NUP205: variants seen among roughly 807,000 people sequenced by gnomAD.
The protein encoded by NUP205 is nuclear pore complex protein Nup205.
A neutral mutation model predicts 253.8 loss-of-function variants in NUP205; 76 were observed. That is an observed-to-expected ratio of 0.30 (90% CI 0.25 to 0.36). NUP205 has a LOEUF of 0.36. Ranked by LOEUF, NUP205 falls within the 10% of genes least tolerant of loss-of-function variation. NUP205 has a pLI of 1.00. For missense variants in NUP205, 2,162 were observed against 2,425.5 expected, an observed-to-expected ratio of 0.89 and a Z score of 2.28; for synonymous variants, 832 against 850.1, an observed-to-expected ratio of 0.98 and a Z score of 0.37.
rs1482108995 is a variant in NUP205 at position 135,601,803 on chromosome 7, G to T, written c.2512+296G>T. The stretch of plus-strand genomic sequence containing the variant: ...ATCCCTAACTTTAAAGTACTTTTTT[G>T]TCCATCCCCCACCTCATAATATTTT... On this transcript the variant is annotated intron_variant, in intron 17 of 42. Transcript: ENST00000285968. Among the ~76,000 whole-genome samples, 8 of 152,006 alleles carry T rather than the reference G, an allele frequency of 5.3e-5. No homozygotes were observed. The East Asian group carries it at 1.5e-3, about 29-fold the overall frequency.
rs777258672 is a variant in NUP205, at chr7:135,587,988, G to A, written c.1469G>A (p.Arg490His). Residue 490 changes from arginine (R) to histidine (H), a missense_variant, in exon 10 of 43, where the codon CGC (arginine) becomes CAC (histidine). This residue lies in a region of NUP205 where 892 missense variants were observed against 957.1 expected (regional missense o/e 0.93). Transcript: ENST00000285968. ...GTGGCTCATCAGCGGCCCCCTCAAC[G>A]CCAGGTGAGTCTTTAGGTTTTCCTC... ...LGVAHQRPPQ[R>H]QVVLSKFVRQ... 1.9e-5 allele frequency: 31 copies of A among 1,610,724 alleles called. No individual in the cohort carries two copies. In the Admixed American group the frequency reaches 3.4e-4, roughly 18 times the overall value.
At position 135,607,303 on chromosome 7, in the gene NUP205, G is replaced by A. The variant is rs1563126202; in HGVS notation, c.3127G>A (p.Gly1043Arg). 2 of 1,614,004 alleles carry A rather than the reference G, an allele frequency of 1.2e-6. No individual in the cohort carries two copies. Among genetic ancestry groups the A allele is most frequent in the African/African-American group, 1.3e-5 (1 of 74,930 alleles). ...LHAILNILEK[G>R]TEGRTGPVAV... ...CGCCATTCTAAACATCTTGGAGAAA[G>A]GAACGGAAGGGAGAACAGGCCCAGT... The change falls in exon 22 of 43, where the codon GGA (glycine) becomes AGA (arginine). Residue 1043 changes from glycine (G) to arginine (R), a missense_variant. By Grantham distance (125) the Gly-to-Arg change is moderately radical. Coordinates refer to ENST00000285968, the MANE Select transcript of NUP205 (RefSeq NM_015135.3).
chr7:135,587,949 G>C lies in NUP205; in HGVS notation c.1430G>C (p.Gly477Ala). Residue 477 changes from glycine (G) to alanine (A), a missense_variant, in exon 10 of 43, where the codon GGC (glycine) becomes GCC (alanine). This residue lies in a region of NUP205 where 892 missense variants were observed against 957.1 expected (regional missense o/e 0.93). Transcript: ENST00000285968. Reference protein sequence around the residue: ...TEPLQTPTIMGSYLGVAHQRP... With the variant: ...TEPLQTPTIMASYLGVAHQRP... ...CCTCTTCAGACTCCGACTATCATGGGCTCTTATCTAGGGGTGGCTCATCAG... is the reference window on the plus strand; with the variant it reads ...CCTCTTCAGACTCCGACTATCATGGCCTCTTATCTAGGGGTGGCTCATCAG... 1.2e-6 allele frequency: 2 copies of C among 1,613,978 alleles called. No individual in the cohort carries two copies. Among genetic ancestry groups the C allele is most frequent in the Non-Finnish European group, 1.7e-6 (2 of 1,179,964 alleles).
chr7:135,594,930 G>C (rs145532117), intron 13 of NUP205, among the ~76,000 whole-genome samples: 21 of 152,226 alleles, frequency 1.4e-4, no homozygotes, highest in East Asian at 7.7e-4. Context: ...ACATCACTAG[G>C]TTACCAGAGA....
Position 135,617,164 on chromosome 7 carries a change from T to A in NUP205, c.3607T>A (p.Phe1203Ile). Residue 1203 changes from phenylalanine (F) to isoleucine (I), a missense_variant, in exon 26 of 43, where the codon TTT becomes ATT. By Grantham distance (21) the Phe-to-Ile change is conservative (BLOSUM62 0). Coordinates refer to ENST00000285968, the MANE Select transcript of NUP205 (RefSeq NM_015135.3). Reference sequence around the variant, plus strand: ...GATCCCTGAGCCTTTGCAGTTGGATTTTTTTGATCGGGCCCAGATTGAACA... The same window carrying A: ...GATCCCTGAGCCTTTGCAGTTGGATATTTTTGATCGGGCCCAGATTGAACA... ...QEIPEPLQLD[F>I]FDRAQIEQVI... 6.2e-7 allele frequency: 1 copy of A among 1,613,908 alleles called. No homozygotes were observed. The highest frequency in any genetic ancestry group is 8.5e-7 in the Non-Finnish European group (1 of 1,179,854).
chr7:135,581,468 G>A (rs1350590052), intron 7 of NUP205, among the ~76,000 whole-genome samples: 1 of 151,442 alleles, frequency 6.6e-6, no homozygotes, highest in Non-Finnish European at 1.5e-5. Flanking sequence ...GATCACTTGA[G>A]CCCAGGAGAG....
At chr7:135,644,438 G>T (rs116854411) in intron 39 of NUP205, among the ~76,000 whole-genome samples, 1,680 of 152,358 alleles carry the variant, frequency 0.011, 11 homozygotes, top group Middle Eastern at 0.034. Flanking sequence ...AACTGTGCTT[G>T]TGTGTGTGCC....
rs140896959 is a variant in NUP205 at position 135,645,501 on chromosome 7, G to A, written c.5717G>A (p.Arg1906His). The change falls in exon 41 of 43, where the codon CGC becomes CAC. Residue 1906 changes from arginine (R) to histidine (H), a missense_variant. This residue lies in a region of NUP205 where 1,144 missense variants were observed against 1,280.9 expected (regional missense o/e 0.89). Coordinates refer to ENST00000285968, the MANE Select transcript of NUP205 (RefSeq NM_015135.3). The part of the protein sequence containing the change: ...IIETCLFILW[R>H]HLEYYLLHCM... Reference sequence around the variant, plus strand: ...GAGACCTGCCTATTTATTCTTTGGCGCCATCTGGAGTACTACTTGTTACAT... The same window carrying A: ...GAGACCTGCCTATTTATTCTTTGGCACCATCTGGAGTACTACTTGTTACAT... 23 of 1,613,588 alleles carry A rather than the reference G, an allele frequency of 1.4e-5. No individual in the cohort carries two copies. Among genetic ancestry groups the A allele is most frequent in the Middle Eastern group, 1.6e-4 (1 of 6,084 alleles).
chr7:135,628,052 C>T lies in NUP205; in HGVS notation c.4873C>T (p.Gln1625Ter). ...CCGCCAGATTCTCCTCCCAGCTCTC[C>T]AGCTGTGCCAGGTCATCCTCACATC... Reference protein sequence around the residue: ...RYRQILLPALQLCQVILTSSM... With the variant: ...RYRQILLPAL The change falls in exon 34 of 43, where the codon CAG (glutamine) becomes TAG (stop). Residue 1625 changes from glutamine to a stop codon, truncating the protein, a stop_gained. Coordinates refer to ENST00000285968, the MANE Select transcript of NUP205 (RefSeq NM_015135.3). LOFTEE classifies it high-confidence loss of function. 1 of 1,611,038 alleles carries T rather than the reference C, an allele frequency of 6.2e-7. No homozygotes were observed. The highest frequency in any genetic ancestry group is 8.5e-7 in the Non-Finnish European group (1 of 1,179,456).
intron 1 of NUP205, among the ~76,000 whole-genome samples, chr7:135,569,440 A>G (rs1161264666): frequency 6.6e-6 from 1 of 152,172 alleles, no homozygotes; most frequent in Non-Finnish European, 1.5e-5. Flanking sequence ...TATGTATTAT[A>G]GTATAAATGT....
intron 22 of NUP205, among the ~76,000 whole-genome samples, chr7:135,608,048 A>G (rs1284852965): frequency 7.9e-6 from 1 of 127,134 alleles, no homozygotes; most frequent in African/African-American, 3.0e-5. Flanking sequence ...TTTTTTTAAT[A>G]TGGAGTCTCG....
At chr7:135,647,401 C>T (rs867096592) in intron 42 of NUP205, among the ~76,000 whole-genome samples, 9 of 152,310 alleles carry the variant, frequency 5.9e-5, no homozygotes, top group Middle Eastern at 6.8e-3. Context: ...AGACTACATT[C>T]GCCCCTTAGT....
At chr7:135,637,330 T>C (rs1794827987) in intron 36 of NUP205, among the ~76,000 whole-genome samples, 1 of 152,248 alleles carries the variant, frequency 6.6e-6, no homozygotes, top group Non-Finnish European at 1.5e-5. Flanking sequence ...TCGGCTAACC[T>C]CTGGATATAC....
intron 20 of NUP205, 23 bp from the exon 21 acceptor site, chr7:135,606,728 T>C (rs373642985): frequency 8.1e-6 from 13 of 1,598,768 alleles, no homozygotes; most frequent in Non-Finnish European, 1.1e-5. Flanking sequence ...TTTGTAATTT[T>C]GTTTTGTGAT....
intron 35 of NUP205, among the ~76,000 whole-genome samples, chr7:135,632,712 T>A (rs1794737660): frequency 6.6e-6 from 1 of 152,098 alleles, no homozygotes; most frequent in Non-Finnish European, 1.5e-5. Context: ...CCTAAGATGA[T>A]ACCAAGTCAG....
chr7:135,610,381 C>T (rs898012886), intron 22 of NUP205, among the ~76,000 whole-genome samples: 27 of 152,240 alleles, frequency 1.8e-4, no homozygotes, highest in Non-Finnish European at 2.6e-4. Context: ...CCATCACACC[C>T]GGCTAATTTT....
chr7:135,570,786 AT>A (rs1288850407), intron 1 of NUP205, among the ~76,000 whole-genome samples: 2,570 of 54,750 alleles, frequency 0.047, 218 homozygotes, highest in South Asian at 0.15. Context: ...TATTAATTAT[AT>A]TTATATATTA....
At position 135,558,043 on chromosome 7, in the gene NUP205, G is replaced by A. The variant is rs955987007; in HGVS notation, c.28+71G>A. The A allele has an allele frequency of 1.2e-5, 16 of 1,343,554 alleles. No homozygotes were observed. In the East Asian group the frequency reaches 3.2e-4, roughly 27 times the overall value. The allele number at this position is 1,343,554 out of a possible 1,614,324, so 83.2% of individuals were successfully genotyped here. On this transcript the variant is annotated intron_variant, in intron 1 of 42. Coordinates refer to ENST00000285968, the MANE Select transcript of NUP205 (RefSeq NM_015135.3). ...GGTCTTCATGGAGAGACGAGACCGT[G>A]AGGTTTCTCGGAGTCTAGGACCCCA...
intron 35 of NUP205, among the ~76,000 whole-genome samples, chr7:135,633,139 A>AT (rs1794746605): frequency 6.6e-6 from 1 of 151,680 alleles, no homozygotes; most frequent in South Asian, 2.1e-4. Flanking sequence ...CTAATTTTTT[A>AT]TTTTTTGTAG....
Sources: gnomAD v4.1 joint callset for allele counts (sites outside exome capture counted in the v4.1 genomes callset) on GRCh38, gnomAD v4.1.1 for gene constraint, gnomAD v4.1.1 regional missense constraint, MANE v1.5 for transcripts, NCBI Gene and HGNC (gene_info 2026-07-23, HGNC 2026-07-21) for gene names.